The following TENM2 variants were observed in gnomAD, a reference collection of about 807,000 sequenced individuals.
The protein encoded by TENM2 is teneurin transmembrane protein 2.
In TENM2, 52 loss-of-function variants were observed where a neutral mutation model predicts 245.2. The ratio of observed to expected loss-of-function variants is 0.21; its 90% CI spans 0.17 to 0.27. The LOEUF (loss-of-function observed/expected upper bound fraction) is 0.27. Ranked by LOEUF, TENM2 falls within the 10% of genes least tolerant of loss-of-function variation. TENM2 has a pLI of 1.00. For synonymous variants in TENM2, 1,363 were observed against 1,438.9 expected (o/e 0.95, Z 1.19); for missense variants, 3,046 against 3,666.8 (o/e 0.83, Z 4.37).
chr5:168,262,610 G>A (rs1361051946), exon 29 of TENM2: 1 of 1,588,034 alleles, frequency 6.3e-7, no homozygotes, highest in Middle Eastern at 1.7e-4. Flanking sequence ...CACGGCCTGG[G>A]CCAAGGAGCA....
intron 7 of TENM2, among the ~76,000 whole-genome samples, chr5:168,070,312 G>A (rs1790873873): frequency 6.6e-6 from 1 of 151,986 alleles, no homozygotes; most frequent in Admixed American, 6.6e-5. Flanking sequence ...TTTTTGGCAG[G>A]GTTTCCTTTT....
At chr5:167,009,972 T>C in the TENM2 span, among the ~76,000 whole-genome samples, 3 of 152,188 alleles carry the variant, frequency 2.0e-5, no homozygotes, top group Non-Finnish European at 4.4e-5. Context: ...CAAAATATAA[T>C]TGAATTTTTT....
intron 1 of TENM2, among the ~76,000 whole-genome samples, chr5:167,311,321 C>G (rs989176019): frequency 2.0e-5 from 3 of 152,116 alleles, no homozygotes; most frequent in Admixed American, 1.3e-4. Context: ...TTAAAATAGC[C>G]TATCATTTTA....
chr5:167,843,528 C>T (rs2151166716), intron 2 of TENM2, among the ~76,000 whole-genome samples: 1 of 152,132 alleles, frequency 6.6e-6, no homozygotes, highest in African/African-American at 2.4e-5. Flanking sequence ...TTAACCAGGA[C>T]TTATTTCACT....
intron 1 of TENM2, among the ~76,000 whole-genome samples, chr5:167,363,742 A>AAAAAG (rs1554139805): frequency 5.3e-5 from 8 of 150,668 alleles, no homozygotes; most frequent in African/African-American, 1.9e-4. Flanking sequence ...AAAAAAAAAA[A>AAAAAG]AAAAGAAAAG....
At chr5:167,608,295 G>T (rs1299987610) in intron 2 of TENM2, among the ~76,000 whole-genome samples, 2 of 152,180 alleles carry the variant, frequency 1.3e-5, no homozygotes, top group African/African-American at 2.4e-5. Flanking sequence ...TCATCTTGGG[G>T]ACTGTCTCTT....
the TENM2 span, among the ~76,000 whole-genome samples, chr5:167,077,827 C>T: frequency 2.0e-5 from 3 of 152,000 alleles, no homozygotes; most frequent in East Asian, 3.9e-4. Flanking sequence ...GAAAACTGAG[C>T]GGGAATCTCT....
intron 1 of TENM2, among the ~76,000 whole-genome samples, chr5:167,293,368 A>ATTTTTTTTTTTTTTTTTTTTTTTTTTTT: frequency 7.7e-6 from 1 of 130,544 alleles, no homozygotes. Context: ...TGTCCGGCTA[A>ATTTTTTTTTTTTTTTTTTTTTTTTTTTT]TTTTTTTTTT....
chr5:167,212,290 G>A, the TENM2 span, among the ~76,000 whole-genome samples: 1 of 152,106 alleles, frequency 6.6e-6, no homozygotes, highest in African/African-American at 2.4e-5. Flanking sequence ...ACCAAGAACA[G>A]CATCAAGCCA....
At chr5:167,008,444 AC>A in the TENM2 span, among the ~76,000 whole-genome samples, 2 of 152,286 alleles carry the variant, frequency 1.3e-5, no homozygotes, top group East Asian at 3.9e-4. Context: ...CACTGAGATT[AC>A]CAGTCTTTCA....
At chr5:167,368,793 T>C (rs944950858) in intron 1 of TENM2, among the ~76,000 whole-genome samples, 1 of 151,744 alleles carries the variant, frequency 6.6e-6, no homozygotes, top group African/African-American at 2.4e-5. Context: ...TTTAGAACCC[T>C]CCCCTACCCC....
chr5:167,344,785 A>T (rs1758358859), intron 1 of TENM2, among the ~76,000 whole-genome samples: 1 of 152,072 alleles, frequency 6.6e-6, no homozygotes, highest in African/African-American at 2.4e-5. Context: ...CAGATGTCAT[A>T]ACTGCTCTTT....
chr5:168,166,387 T>C (rs1345967403), intron 13 of TENM2, among the ~76,000 whole-genome samples: 1 of 152,250 alleles, frequency 6.6e-6, no homozygotes, highest in Admixed American at 6.5e-5. Context: ...ATGTATTTTT[T>C]ATTTTAAACT....
intron 25 of TENM2, among the ~76,000 whole-genome samples, chr5:168,242,956 CA>C (rs113157242): frequency 2.5e-3 from 335 of 136,238 alleles, no homozygotes; most frequent in Middle Eastern, 7.9e-3. Flanking sequence ...GACTCTATCT[CA>C]AAAAAAAAAA....
chr5:167,290,363 A>G (rs1754561347), intron 1 of TENM2, among the ~76,000 whole-genome samples: 1 of 152,110 alleles, frequency 6.6e-6, no homozygotes, highest in South Asian at 2.1e-4. Flanking sequence ...TATTGGGTTT[A>G]TTTCTTACAA....
In TENM2 at chr5:168,115,168, C is replaced by T. The variant is rs567073729; in HGVS notation, c.1814-3124C>T. Among the ~76,000 whole-genome samples, 17 of 152,058 alleles carry T rather than the reference C, an allele frequency of 1.1e-4. No homozygotes were observed. The East Asian group carries it at 3.3e-3, about 30-fold the overall frequency. Reference sequence around the variant, plus strand: ...AATTAGCCGGGCATGGTAGCAGGCACCTGTAGTCCCGCTACTCAGGAGGCT... The same window carrying T: ...AATTAGCCGGGCATGGTAGCAGGCATCTGTAGTCCCGCTACTCAGGAGGCT... On this transcript the variant is annotated intron_variant, in intron 9 of 28. Transcript: ENST00000518659.
chr5:167,443,362 C>T (rs1444146172), intron 2 of TENM2, among the ~76,000 whole-genome samples: 1 of 152,076 alleles, frequency 6.6e-6, no homozygotes, highest in African/African-American at 2.4e-5. Context: ...TTAAGAAAAT[C>T]CCATTCGTTT....
At chr5:166,995,017 A>G in the TENM2 span, among the ~76,000 whole-genome samples, 1 of 152,128 alleles carries the variant, frequency 6.6e-6, no homozygotes, top group Non-Finnish European at 1.5e-5. Context: ...TTTTTCATTT[A>G]TCTGTTTCAG....
At chr5:167,856,853 A>G (rs1278204358) in intron 2 of TENM2, among the ~76,000 whole-genome samples, 2 of 152,188 alleles carry the variant, frequency 1.3e-5, no homozygotes, top group African/African-American at 4.8e-5. Flanking sequence ...TTCTGGGATG[A>G]GGAGCTTGTT....
Sources: gnomAD v4.1 joint callset for allele counts (sites outside exome capture counted in the v4.1 genomes callset) on GRCh38, gnomAD v4.1.1 for gene constraint, MANE v1.5 for transcripts, NCBI Gene and HGNC (gene_info 2026-07-23, HGNC 2026-07-21) for gene names.